The following ZNF251 variants were observed in gnomAD, a reference collection of about 807,000 sequenced individuals.
ZNF251 encodes the protein zinc finger protein 251.
A neutral mutation model predicts 13.5 loss-of-function variants in ZNF251; 14 were observed. The ratio of observed to expected loss-of-function variants is 1.04; its 90% CI spans 0.69 to 1.63. The LOEUF (loss-of-function observed/expected upper bound fraction) is 1.63, where lower values mean the gene tolerates loss of function less well. Ranked by LOEUF, ZNF251 falls within the 40% of genes most tolerant of loss-of-function variation. ZNF251 has a pLI of 0.00. For missense variants in ZNF251, 764 were observed against 834.9 expected, an observed-to-expected ratio of 0.92 and a Z score of 1.05; for synonymous variants, 287 against 295.2, an observed-to-expected ratio of 0.97 and a Z score of 0.28.
At chr8:144,737,299 T>C (rs1192191507) in intron 4 of ZNF251, among the ~76,000 whole-genome samples, 2 of 151,788 alleles carry the variant, frequency 1.3e-5, no homozygotes, top group South Asian at 2.1e-4. Context: ...GGTTTTACTA[T>C]GTTGGCCAGG....
chr8:144,746,468 T>C (rs1824435380), intron 4 of ZNF251, among the ~76,000 whole-genome samples: 1 of 152,198 alleles, frequency 6.6e-6, no homozygotes, highest in Non-Finnish European at 1.5e-5. Context: ...TAATGTCTGT[T>C]TGGTTTTGGC....
At position 144,754,563 on chromosome 8, in the gene ZNF251, C is replaced by T; in HGVS notation, c.33+133G>A. On this transcript the variant is annotated intron_variant, in intron 2 of 4. Coordinates refer to ENST00000292562, the MANE Select transcript of ZNF251 (RefSeq NM_138367.2). ...AGGAGGGCGAGTCTACCTCTCAGAACCCTTTCCTCACGGTTGCTATGAGCC... is the reference window on the plus strand; with the variant it reads ...AGGAGGGCGAGTCTACCTCTCAGAATCCTTTCCTCACGGTTGCTATGAGCC... 3 of 1,460,852 alleles carry T rather than the reference C, an allele frequency of 2.1e-6. 1 individual carries two copies. The highest frequency in any genetic ancestry group is 2.5e-5 in the East Asian group (1 of 40,254). The allele number at this position is 1,460,852 out of a possible 1,614,324, so 90.5% of individuals were successfully genotyped here.
At chr8:144,732,501 C>T (rs564872168) in intron 4 of ZNF251, among the ~76,000 whole-genome samples, 9 of 152,294 alleles carry the variant, frequency 5.9e-5, no homozygotes, top group South Asian at 4.1e-4. Context: ...GGTAAAAAGA[C>T]GAGTTGGCCA....
chr8:144,723,139 C>T lies in ZNF251; in HGVS notation c.521G>A (p.Arg174Lys). The part of the protein sequence containing the change: ...VLTEATVGRE[R>K]SLGERTQECS... ...CTCTTGGGTTCTTTCTCCCAAAGAT[C>T]TTTCCCTGCCCACGGTAGCTTCTGT... The change falls in exon 5 of 5, where the codon AGA becomes AAA. Residue 174 changes from arginine to lysine, a missense_variant. By Grantham distance (26) the Arg-to-Lys change is conservative. Transcript: ENST00000292562. 1 of 1,613,572 alleles carries T rather than the reference C, an allele frequency of 6.2e-7. No individual in the cohort carries two copies. Among genetic ancestry groups the T allele is most frequent in the Admixed American group, 1.7e-5 (1 of 59,902 alleles).
At chr8:144,740,925 C>G (rs1260974640) in intron 4 of ZNF251, among the ~76,000 whole-genome samples, 2 of 151,682 alleles carry the variant, frequency 1.3e-5, no homozygotes, top group African/African-American at 2.4e-5. Context: ...AAGAGCGAAA[C>G]TCCGTCTCAA....
intron 4 of ZNF251, among the ~76,000 whole-genome samples, chr8:144,726,362 C>T (rs1001120272): frequency 2.0e-5 from 3 of 151,560 alleles, no homozygotes; most frequent in South Asian, 2.1e-4. Context: ...GGCAAAACCC[C>T]GTCTCTACTA....
chr8:144,752,701 G>A (rs758532170), intron 4 of ZNF251, among the ~76,000 whole-genome samples: 2 of 152,148 alleles, frequency 1.3e-5, no homozygotes, highest in African/African-American at 2.4e-5. Context: ...AAGAGATGGG[G>A]AAATTTTTGG....
chr8:144,732,579 A>T (rs12675973), intron 4 of ZNF251, among the ~76,000 whole-genome samples: 2 of 150,790 alleles, frequency 1.3e-5, no homozygotes, highest in African/African-American at 2.4e-5. Context: ...TGGGGAGGCC[A>T]AGGCGGGGGA....
chr8:144,750,713 T>C (rs1824651614), intron 4 of ZNF251, among the ~76,000 whole-genome samples: 1 of 151,976 alleles, frequency 6.6e-6, no homozygotes, highest in Admixed American at 6.6e-5. Context: ...TTTTTCAGAG[T>C]TGTCCACACT....
At chr8:144,752,070 C>T (rs1020639366) in intron 4 of ZNF251, among the ~76,000 whole-genome samples, 1 of 140,988 alleles carries the variant, frequency 7.1e-6, no homozygotes, top group African/African-American at 2.7e-5. Context: ...GAAGAAAAGA[C>T]AATTCCACAA....
intron 4 of ZNF251, among the ~76,000 whole-genome samples, chr8:144,752,058 G>A (rs1824719731): frequency 6.8e-6 from 1 of 147,524 alleles, no homozygotes; most frequent in African/African-American, 2.5e-5. Flanking sequence ...AAAAATTAAA[G>A]TGAAGAAAAG....
chr8:144,737,047 G>T (rs1034188451), intron 4 of ZNF251, among the ~76,000 whole-genome samples: 1 of 148,720 alleles, frequency 6.7e-6, no homozygotes, highest in African/African-American at 2.5e-5. Context: ...CCGATGATCC[G>T]CCTGCCTTAG....
intron 4 of ZNF251, among the ~76,000 whole-genome samples, chr8:144,748,363 T>C (rs1228625553): frequency 6.6e-6 from 1 of 152,188 alleles, no homozygotes; most frequent in African/African-American, 2.4e-5. Context: ...TTAGCCACTG[T>C]GCCTGGCCAA....
chr8:144,730,067 G>A (rs1173096050), intron 4 of ZNF251: 1 of 985,456 alleles, frequency 1.0e-6, no homozygotes. Flanking sequence ...CAGCTGTATG[G>A]CAGGCCCAGC....
intron 4 of ZNF251, among the ~76,000 whole-genome samples, chr8:144,733,473 G>T (rs768003725): frequency 1.3e-5 from 2 of 152,216 alleles, no homozygotes; most frequent in African/African-American, 4.8e-5. Context: ...CTCCGGCAGC[G>T]GCCTGAGTTC....
In ZNF251 at chr8:144,720,987, T is replaced by C. The variant is rs1222814729; in HGVS notation, c.*657A>G. 2.0e-5 allele frequency: 3 copies of C among 152,318 alleles called. No individual in the cohort carries two copies. Among genetic ancestry groups the C allele is most frequent in the African/African-American group, 7.2e-5 (3 of 41,470 alleles). The allele number at this position is 152,318 out of a possible 1,614,324, so 9.4% of individuals were successfully genotyped here. On this transcript the variant is annotated 3_prime_UTR_variant, in exon 5 of 5. Transcript: ENST00000292562. ...CCTTTAAAAAATTTTTTATCAGTAA[T>C]TACAATTTTCAAAAGTGGAGATACT...
Position 144,753,834 on chromosome 8 carries a change from C to T in ZNF251, c.164-38G>A, listed in dbSNP as rs1824820984. On this transcript the variant is annotated intron_variant, in intron 3 of 4. Coordinates refer to ENST00000292562, the MANE Select transcript of ZNF251 (RefSeq NM_138367.2). ...AGGACACTGGTGAGCTGGCATGGCCCACTGGGCCTTCCAGGCCAGGTGTGG... is the reference window on the plus strand; with the variant it reads ...AGGACACTGGTGAGCTGGCATGGCCTACTGGGCCTTCCAGGCCAGGTGTGG... The T allele has an allele frequency of 2.7e-6, 4 of 1,487,974 alleles. No individual in the cohort carries two copies. The South Asian group carries it at 3.7e-5, about 14-fold the overall frequency. The allele number at this position is 1,487,974 out of a possible 1,614,324, so 92.2% of individuals were successfully genotyped here. A position where few individuals can be genotyped will look rare whatever the true frequency, so the allele number is the denominator to read the frequency against.
chr8:144,724,079 T>TA lies in ZNF251; in HGVS notation c.278-698dup, dbSNP rs376152231. ...TAACACGGTGAAACCCCGTCTCTACTAAAAATACAAAAAAATTAGCCAGTC... is the reference window on the plus strand; with the variant it reads ...TAACACGGTGAAACCCCGTCTCTACTAAAAAATACAAAAAAATTAGCCAGTC... On this transcript the variant is annotated intron_variant, in intron 4 of 4. Transcript: ENST00000292562. Among the ~76,000 whole-genome samples, 339 of 151,770 alleles carry TA rather than the reference T, an allele frequency of 2.2e-3. 3 individuals are homozygous for TA. The highest frequency in any genetic ancestry group is 3.4e-3 in the African/African-American group (142 of 41,392).
At chr8:144,738,725 T>C (rs1288227445) in intron 4 of ZNF251, 5 of 984,470 alleles carry the variant, frequency 5.1e-6, no homozygotes, top group Non-Finnish European at 3.6e-6. Flanking sequence ...GGAAACAGGA[T>C]GGTTTTCTTG....
Sources: gnomAD v4.1 joint callset for allele counts (sites outside exome capture counted in the v4.1 genomes callset) on GRCh38, gnomAD v4.1.1 for gene constraint, MANE v1.5 for transcripts, NCBI Gene and HGNC (gene_info 2026-07-23, HGNC 2026-07-21) for gene names.